Variants in PTPRH observed in about 807,000 individuals in gnomAD.
The protein encoded by PTPRH is protein tyrosine phosphatase receptor type H.
A neutral mutation model predicts 130.2 loss-of-function variants in PTPRH; 113 were observed. The ratio of observed to expected loss-of-function variants is 0.87; its 90% CI spans 0.75 to 1.01. The LOEUF (loss-of-function observed/expected upper bound fraction) is 1.01. Ranked by LOEUF, PTPRH falls within the 50% of genes least tolerant of loss-of-function variation. The probability of loss-of-function intolerance (pLI) is 0.00; values close to 1 mark genes in which losing one functional copy is unlikely to be tolerated. For missense variants in PTPRH, 1,430 were observed against 1,425.0 expected (o/e 1.00, Z -0.06); for synonymous variants, 556 against 577.9 (o/e 0.96, Z 0.54).
chr19:55,196,564 T>A lies in PTPRH; in HGVS notation c.2215A>T (p.Lys739Ter), dbSNP rs758809433. 6.2e-7 allele frequency: 1 copy of A among 1,613,182 alleles called. No individual in the cohort carries two copies. Among genetic ancestry groups the A allele is most frequent in the South Asian group, 1.1e-5 (1 of 91,010 alleles). ...CAGACCACAGAGTGAGACACGACCT[T>A]CATTCCGTCCCAGATGGTCGTGATG... ...ATITTIWDGM[K>*]VVSHSVVCHT... The change falls in exon 10 of 20, where the codon AAG becomes TAG. Residue 739 changes from lysine to a stop codon, truncating the protein, a stop_gained. Coordinates refer to ENST00000376350, the MANE Select transcript of PTPRH (RefSeq NM_002842.5). LOFTEE classifies it high-confidence loss of function.
intron 10 of PTPRH, among the ~76,000 whole-genome samples, chr19:55,195,374 T>G (rs1220569016): frequency 6.6e-6 from 1 of 151,830 alleles, no homozygotes; most frequent in African/African-American, 2.4e-5. Context: ...TGGTGGCACA[T>G]GCCTGTGATC....
At chr19:55,206,308 G>T (rs1340449170) in intron 3 of PTPRH, among the ~76,000 whole-genome samples, 1 of 129,494 alleles carries the variant, frequency 7.7e-6, no homozygotes, top group African/African-American at 3.0e-5. Context: ...CTTTTCTTTT[G>T]TTTTCTTTTG....
rs61734258 is a variant in PTPRH, at chr19:55,182,072, G to A, written c.3142C>T (p.Pro1048Ser). ...RQLQSEGLLG[P>S]FSFVRKMRES... ...CTCATCTTCCTTACAAAGCTGAAGG[G>A]CCCAAGGAGACCCTCGGACTGCAGC... is the stretch of plus-strand genomic sequence containing the variant. Residue 1048 changes from proline (P) to serine (S), a missense_variant, in exon 19 of 20, where the codon CCC (proline) becomes TCC (serine). Pro to Ser is a moderately conservative substitution (Grantham distance 74). Transcript: ENST00000376350. 6.2e-7 allele frequency: 1 copy of A among 1,614,130 alleles called. No individual in the cohort carries two copies. The highest frequency in any genetic ancestry group is 8.5e-7 in the Non-Finnish European group (1 of 1,180,014).
intron 10 of PTPRH, among the ~76,000 whole-genome samples, chr19:55,193,806 C>T (rs372351666): frequency 2.1e-4 from 32 of 151,720 alleles, no homozygotes; most frequent in Non-Finnish European, 4.3e-4. Context: ...AAGGACTCCC[C>T]GGCAGCGGAG....
At position 55,198,695 on chromosome 19, in the gene PTPRH, C is replaced by A; in HGVS notation, c.1638G>T (p.Trp546Cys). Residue 546 changes from tryptophan (W) to cysteine (C), a missense_variant, in exon 8 of 20, where the codon TGG becomes TGT. By Grantham distance (215) the Trp-to-Cys change is radical. Transcript: ENST00000376350. ...AGCCTCTGACCTCATTCCTCTCGGC[C>A]CAGACGGTGAGGTGGTACAGGCTGC... ...EAGSLYHLTV[W>C]AERNEVRGYN... is the part of the protein sequence containing the mutation. 1 of 1,613,844 alleles carries A rather than the reference C, an allele frequency of 6.2e-7. No individual in the cohort carries two copies. Among genetic ancestry groups the A allele is most frequent in the East Asian group, 2.2e-5 (1 of 44,876 alleles).
At chr19:55,190,377 A>C (rs2086490162) in intron 12 of PTPRH, among the ~76,000 whole-genome samples, 2 of 149,204 alleles carry the variant, frequency 1.3e-5, no homozygotes, top group African/African-American at 4.9e-5. Context: ...CTCAAAAAAA[A>C]AAAAAAAGAA....
At chr19:55,183,258 C>G (rs1204028941) in intron 18 of PTPRH, among the ~76,000 whole-genome samples, 8 of 147,200 alleles carry the variant, frequency 5.4e-5, no homozygotes, top group African/African-American at 9.9e-5. Context: ...AAAAAAATTA[C>G]CCGGGTGTGG....
chr19:55,200,592 G>T, intron 6 of PTPRH, 90 bp from the exon 7 acceptor site: 1 of 1,399,858 alleles, frequency 7.1e-7, no homozygotes, highest in South Asian at 1.3e-5. Flanking sequence ...AACCATCTTA[G>T]CTCTTGTTCA....
intron 4 of PTPRH, among the ~76,000 whole-genome samples, 166 bp from the exon 5 acceptor site, chr19:55,204,214 G>T (rs1308568568): frequency 6.6e-6 from 1 of 152,158 alleles, no homozygotes; most frequent in East Asian, 1.9e-4. Flanking sequence ...CCGCCGTCCG[G>T]GTTCAAGCGA....
Position 55,200,642 on chromosome 19 carries a change from C to G in PTPRH, c.1154-140G>C, listed in dbSNP as rs1049510264. On this transcript the variant is annotated intron_variant, in intron 6 of 19. Coordinates refer to ENST00000376350, the MANE Select transcript of PTPRH (RefSeq NM_002842.5). ...CAGATGCAGGGTGTATGTTCTAGAC[C>G]GTGTTTCTCAGACTAATGTGCCGGG... 4.0e-6 allele frequency: 4 copies of G among 998,274 alleles called. No individual in the cohort carries two copies. In the Admixed American group the frequency reaches 1.1e-4, roughly 28 times the overall value. The allele number at this position is 998,274 out of a possible 1,614,324, so 61.8% of individuals were successfully genotyped here.
At chr19:55,184,037 C>T (rs1351122536) in intron 18 of PTPRH, among the ~76,000 whole-genome samples, 1 of 152,008 alleles carries the variant, frequency 6.6e-6, no homozygotes, top group Non-Finnish European at 1.5e-5. Flanking sequence ...GTAATCCCAG[C>T]ACTTTGGGAG....
At chr19:55,188,757 C>T (rs2086440502) in intron 12 of PTPRH, among the ~76,000 whole-genome samples, 1 of 152,168 alleles carries the variant, frequency 6.6e-6, no homozygotes, top group Non-Finnish European at 1.5e-5. Context: ...CATTTAGCAC[C>T]ACTGCCTGTG....
At position 55,181,847 on chromosome 19, in the gene PTPRH, C is replaced by T. The variant is rs747963477; in HGVS notation, c.3255G>A (p.Gln1085=). 15 of 1,614,204 alleles carry T rather than the reference C, an allele frequency of 9.3e-6. No homozygotes were observed. Among genetic ancestry groups the T allele is most frequent in the Non-Finnish European group, 1.2e-5 (14 of 1,180,032 alleles). The change falls in exon 20 of 20, where the codon CAG becomes CAA. Residue 1085 remains glutamine, a synonymous_variant. Transcript: ENST00000376350. The part of the protein sequence containing the change: ...CILRFLQQSA[Q]APAEKEVPYE... ...ACGGGACTTCCTTCTCGGCTGGGGCCTGGGCTGACTGTTGGAGGAACCGCA... is the reference window on the plus strand; with the variant it reads ...ACGGGACTTCCTTCTCGGCTGGGGCTTGGGCTGACTGTTGGAGGAACCGCA...
At chr19:55,182,879 T>C (rs2086215839) in intron 18 of PTPRH, among the ~76,000 whole-genome samples, 1 of 151,888 alleles carries the variant, frequency 6.6e-6, no homozygotes, top group African/African-American at 2.4e-5. Flanking sequence ...ACTGCACCCT[T>C]GACCTCCTGG....
Position 55,185,907 on chromosome 19 carries a change from C to G in PTPRH, c.2856G>C (p.Glu952Asp). 1.9e-6 allele frequency: 3 copies of G among 1,614,188 alleles called. No individual in the cohort carries two copies. Among genetic ancestry groups the G allele is most frequent in the Non-Finnish European group, 2.5e-6 (3 of 1,180,038 alleles). ...GCACCGTCCAGTTCTCCATCACTTC[C>G]TCACCTACCAGGGTTACCCGCAGGT... is the stretch of plus-strand genomic sequence containing the variant. ...HGHLRVTLVG[E>D]EVMENWTVRE... Residue 952 changes from glutamate to aspartate, a missense_variant, in exon 17 of 20, where the codon GAG (glutamate) becomes GAC (aspartate). Physicochemically the swap from Glu to Asp is conservative, Grantham distance 45. Transcript: ENST00000376350.
chr19:55,192,054 C>A, intron 10 of PTPRH: 1 of 489,222 alleles, frequency 2.0e-6, no homozygotes, highest in Non-Finnish European at 4.0e-6. Flanking sequence ...ATTTTCTCTT[C>A]CTTAGGATAT....
intron 10 of PTPRH, among the ~76,000 whole-genome samples, chr19:55,195,858 A>T (rs144904464): frequency 1.3e-5 from 2 of 152,072 alleles, no homozygotes; most frequent in African/African-American, 4.8e-5. Flanking sequence ...GGCATGAGCC[A>T]CTGTGCCCAC....
chr19:55,196,476 A>T (rs1382692164), intron 10 of PTPRH, 46 bp downstream of exon 10: 3 of 1,580,378 alleles, frequency 1.9e-6, no homozygotes, highest in Non-Finnish European at 2.6e-6. Context: ...GATGGGGTCT[A>T]CCGAGAATTT....
rs890159520 is a variant in PTPRH at position 55,196,976 on chromosome 19, G to A, written c.1990+141C>T. The A allele has an allele frequency of 1.9e-5, 23 of 1,202,768 alleles. No individual in the cohort carries two copies. In the African/African-American group the frequency reaches 3.2e-4, roughly 17 times the overall value. 74.5% of individuals were successfully genotyped at this position (1,202,768 alleles called of 1,614,324 possible). On this transcript the variant is annotated intron_variant, in intron 9 of 19. Coordinates refer to ENST00000376350, the MANE Select transcript of PTPRH (RefSeq NM_002842.5). ...TCCTTTTAAACTACAACTCCCATGA[G>A]GCCTTGGGCTCCTCCATCACTGCAG...
Sources: gnomAD v4.1 joint callset for allele counts (sites outside exome capture counted in the v4.1 genomes callset) on GRCh38, gnomAD v4.1.1 for gene constraint, MANE v1.5 for transcripts, NCBI Gene and HGNC (gene_info 2026-07-23, HGNC 2026-07-21) for gene names.